COL6A6: variants seen among roughly 807,000 people sequenced by gnomAD.
COL6A6 encodes collagen type VI alpha 6 chain.
A neutral mutation model predicts 208.6 loss-of-function variants in COL6A6; 183 were observed. The ratio of observed to expected loss-of-function variants is 0.88; its 90% CI spans 0.78 to 0.99. The LOEUF is 0.99. Ranked by LOEUF, COL6A6 falls within the 50% of genes least tolerant of loss-of-function variation. The probability of loss-of-function intolerance (pLI) is 0.00; values close to 1 mark genes in which losing one functional copy is unlikely to be tolerated. For missense variants in COL6A6, 2,816 were observed against 2,815.2 expected, an observed-to-expected ratio of 1.00 and a Z score of -0.01; for synonymous variants, 973 against 1,011.8, an observed-to-expected ratio of 0.96 and a Z score of 0.73.
chr3:130,634,225 A>AT (rs2065034364), intron 26 of COL6A6, among the ~76,000 whole-genome samples: 1 of 57,898 alleles, frequency 1.7e-5, no homozygotes. Flanking sequence ...AAATAAATAA[A>AT]TAAATAAATA....
intron 34 of COL6A6, among the ~76,000 whole-genome samples, chr3:130,659,000 C>A (rs149533796): frequency 3.3e-5 from 5 of 152,284 alleles, no homozygotes; most frequent in African/African-American, 1.2e-4. Flanking sequence ...CATTCCAGGC[C>A]TTTCTACATA....
At position 130,565,574 on chromosome 3, in the gene COL6A6, A is replaced by C. The variant is rs1167338265; in HGVS notation, c.1242A>C (p.Thr414=). 1.2e-6 allele frequency: 2 copies of C among 1,613,598 alleles called. No individual in the cohort carries two copies. Among genetic ancestry groups the C allele is most frequent in the Admixed American group, 1.7e-5 (1 of 59,948 alleles). Residue 414 remains threonine, a synonymous_variant, in exon 4 of 37, where the codon ACA becomes ACC. Transcript: ENST00000358511. ...AGCTGCGGAACCAAATAACACACAC[A>C]GTCTCTGTCTTTTCAGAGAGGACTG... ...LKKLRNQITH[T]VSVFSERTET...
chr3:130,537,821 T>C (rs1420009585), intron 1 of COL6A6, among the ~76,000 whole-genome samples: 2 of 152,230 alleles, frequency 1.3e-5, no homozygotes, highest in Non-Finnish European at 2.9e-5. Context: ...TTGGCCGTTA[T>C]AAATTGTGTC....
chr3:130,533,343 C>T (rs575427818), intron 1 of COL6A6, among the ~76,000 whole-genome samples: 3 of 151,792 alleles, frequency 2.0e-5, no homozygotes, highest in East Asian at 3.9e-4. Context: ...TCGTCACCTC[C>T]TTGCCACTTA....
At chr3:130,627,518 C>T (rs1337333265) in intron 26 of COL6A6, 149 bp downstream of exon 26, 2 of 678,076 alleles carry the variant, frequency 2.9e-6, no homozygotes, top group African/African-American at 1.8e-5. Context: ...GCTGCTATCC[C>T]ATGAGGAATG....
intron 1 of COL6A6, among the ~76,000 whole-genome samples, chr3:130,533,494 A>G (rs189947793): frequency 5.9e-5 from 9 of 152,372 alleles, no homozygotes; most frequent in Non-Finnish European, 1.3e-4. Context: ...ACAGAAAAGC[A>G]TAGTGAATAA....
chr3:130,668,745 G>A (rs1399792101), intron 36 of COL6A6, among the ~76,000 whole-genome samples: 1 of 152,022 alleles, frequency 6.6e-6, no homozygotes, highest in African/African-American at 2.4e-5. Context: ...CCTTAAAATA[G>A]ACAAAAGAGA....
intron 28 of COL6A6, among the ~76,000 whole-genome samples, chr3:130,637,226 T>G (rs1341266041): frequency 6.9e-6 from 1 of 143,922 alleles, no homozygotes; most frequent in Non-Finnish European, 1.5e-5. Context: ...ACAGATATAA[T>G]TAGAAAAATA....
intron 1 of COL6A6, among the ~76,000 whole-genome samples, chr3:130,538,729 A>G (rs545324321): frequency 2.5e-4 from 38 of 152,198 alleles, no homozygotes; most frequent in Non-Finnish European, 4.0e-4. Context: ...TTACAGGTGG[A>G]TCCTAGTATA....
rs115897773 is a variant in COL6A6, at chr3:130,605,621, A to G, written c.4654-1310A>G. Among the ~76,000 whole-genome samples, 1,220 of 152,298 alleles carry G rather than the reference A, an allele frequency of 8.0e-3. 12 individuals are homozygous for G. The highest frequency in any genetic ancestry group is 0.028 in the African/African-American group (1,164 of 41,554). The stretch of plus-strand genomic sequence containing the variant: ...GGGTTTCATCTCATGATGATTCATC[A>G]GTTTTGTAAAAATAAAATAAAGACT... On this transcript the variant is annotated intron_variant, in intron 20 of 36. Coordinates refer to ENST00000358511, the MANE Select transcript of COL6A6 (RefSeq NM_001102608.3).
intron 28 of COL6A6, among the ~76,000 whole-genome samples, chr3:130,637,960 G>T (rs1190960941): frequency 6.6e-6 from 1 of 151,714 alleles, no homozygotes; most frequent in Non-Finnish European, 1.5e-5. Context: ...CCACATCCTT[G>T]GCACCTACCC....
At chr3:130,619,484 TCCAACATTTTGAGGGA>T in intron 23 of COL6A6, among the ~76,000 whole-genome samples, 1 of 152,346 alleles carries the variant, frequency 6.6e-6, no homozygotes, top group African/African-American at 2.4e-5. Flanking sequence ...GGCATGCAAT[TCCAACATTTTGAGGGA>T]TTTTGCATAT....
chr3:130,610,369 A>G (rs2064319172), intron 22 of COL6A6, among the ~76,000 whole-genome samples: 1 of 152,202 alleles, frequency 6.6e-6, no homozygotes, highest in African/African-American at 2.4e-5. Flanking sequence ...AGGGAAATGT[A>G]GAAAGCAATA....
At chr3:130,565,711 A>G in intron 4 of COL6A6, 97 bp downstream of exon 4, 1 of 1,349,738 alleles carries the variant, frequency 7.4e-7, no homozygotes, top group African/African-American at 1.5e-5. Flanking sequence ...GAAGATGTGG[A>G]TGGGAAGGAT....
intron 1 of COL6A6, among the ~76,000 whole-genome samples, chr3:130,537,877 A>C (rs1375589033): frequency 6.6e-6 from 1 of 152,232 alleles, no homozygotes; most frequent in East Asian, 1.9e-4. Flanking sequence ...GAAAAACAGC[A>C]ACTTGGAGAT....
At chr3:130,646,092 GAA>G (rs2065454833) in intron 32 of COL6A6, among the ~76,000 whole-genome samples, 1 of 152,150 alleles carries the variant, frequency 6.6e-6, no homozygotes, top group African/African-American at 2.4e-5. Context: ...GGTGCTATTT[GAA>G]AGAGATAACC....
chr3:130,648,595 T>C (rs1229283770), intron 32 of COL6A6, among the ~76,000 whole-genome samples: 2 of 152,264 alleles, frequency 1.3e-5, no homozygotes, highest in Non-Finnish European at 2.9e-5. Flanking sequence ...TTCTTTGCTC[T>C]GTAAATTATG....
At chr3:130,657,189 C>T (rs7644635) in intron 33 of COL6A6, among the ~76,000 whole-genome samples, 3 of 152,252 alleles carry the variant, frequency 2.0e-5, no homozygotes, top group African/African-American at 7.2e-5. Context: ...GTGGGGCTTC[C>T]ACCTGTTCCC....
At chr3:130,544,087 C>G (rs2062438241) in intron 1 of COL6A6, among the ~76,000 whole-genome samples, 1 of 152,154 alleles carries the variant, frequency 6.6e-6, no homozygotes, top group Admixed American at 6.5e-5. Flanking sequence ...TTCTCACGTA[C>G]ATTAAATCTC....
Sources: allele counts gnomAD v4.1 joint callset (sites outside exome capture counted in the v4.1 genomes callset), GRCh38; gene constraint gnomAD v4.1.1; transcripts MANE v1.5; gene names NCBI Gene and HGNC (gene_info 2026-07-23, HGNC 2026-07-21).